CAMTA1: variants seen among roughly 807,000 people sequenced by gnomAD.
CAMTA1 encodes calmodulin binding transcription activator 1.
Under a neutral mutation model 170.9 loss-of-function variants are expected in CAMTA1, and 27 were observed. The observed-to-expected ratio is 0.16, with a 90% CI of 0.12 to 0.22. The LOEUF is 0.22. Among genes scored for constraint, CAMTA1 ranks in the 10% least tolerant of loss-of-function variants. The pLI is 1.00. For synonymous variants in CAMTA1, 833 were observed against 891.5 expected, an observed-to-expected ratio of 0.93 and a Z score of 1.17; for missense variants, 1,619 against 2,217.2, an observed-to-expected ratio of 0.73 and a Z score of 5.42.
At chr1:7,321,280 T>C (rs1472736045) in intron 5 of CAMTA1, among the ~76,000 whole-genome samples, 2 of 152,192 alleles carry the variant, frequency 1.3e-5, no homozygotes, top group Admixed American at 6.5e-5. Flanking sequence ...ACCTTGCTGC[T>C]CATTTTGGTA....
At chr1:7,490,588 G>C (rs896290435) in intron 6 of CAMTA1, among the ~76,000 whole-genome samples, 1 of 152,110 alleles carries the variant, frequency 6.6e-6, no homozygotes, top group African/African-American at 2.4e-5. Flanking sequence ...GGAGGCGGAG[G>C]TTGCGGTGAG....
intron 3 of CAMTA1, among the ~76,000 whole-genome samples, chr1:6,868,530 C>T (rs1667430545): frequency 6.6e-6 from 1 of 151,792 alleles, no homozygotes; most frequent in Non-Finnish European, 1.5e-5. Context: ...AAAATGGCGG[C>T]ATTTCTGTCA....
Position 7,737,236 on chromosome 1 carries a change from G to C in CAMTA1, c.3343-19G>C. 1.2e-6 allele frequency: 2 copies of C among 1,606,744 alleles called. No individual in the cohort carries two copies. Among genetic ancestry groups the C allele is most frequent in the Non-Finnish European group, 1.7e-6 (2 of 1,175,590 alleles). On this transcript the variant is annotated intron_variant, in intron 14 of 22. Transcript: ENST00000303635. ...TGACCTCTGATTGAGAACGCTTGCTGTGTCTCCCTGTCTTCTAGATGTGGG... is the reference window on the plus strand; with the variant it reads ...TGACCTCTGATTGAGAACGCTTGCTCTGTCTCCCTGTCTTCTAGATGTGGG...
intron 3 of CAMTA1, among the ~76,000 whole-genome samples, chr1:7,060,421 T>C (rs1221093645): frequency 6.6e-6 from 1 of 152,238 alleles, no homozygotes; most frequent in Non-Finnish European, 1.5e-5. Context: ...CCCACACTGA[T>C]AGCCTCATTT....
intron 3 of CAMTA1, among the ~76,000 whole-genome samples, chr1:6,931,104 G>A (rs372060190): frequency 2.0e-5 from 3 of 152,292 alleles, no homozygotes; most frequent in African/African-American, 7.2e-5. Flanking sequence ...AGAAACCTCC[G>A]TTCATACCCC....
At chr1:7,375,643 C>G (rs1156916244) in intron 5 of CAMTA1, among the ~76,000 whole-genome samples, 1 of 152,202 alleles carries the variant, frequency 6.6e-6, no homozygotes. Context: ...TTCCCCTGTG[C>G]AGGCTGGCAC....
At chr1:6,895,036 CCCTGAGCCTGTGTGTGGG>C (rs942412647) in intron 3 of CAMTA1, among the ~76,000 whole-genome samples, 10 of 152,156 alleles carry the variant, frequency 6.6e-5, no homozygotes, top group African/African-American at 2.4e-4. Flanking sequence ...TACTTACAGG[CCCTGAGCCTGTGTGTGGG>C]CCTGAACTCA....
At chr1:7,531,934 T>C (rs866049362) in intron 6 of CAMTA1, among the ~76,000 whole-genome samples, 1 of 152,044 alleles carries the variant, frequency 6.6e-6, no homozygotes, top group Non-Finnish European at 1.5e-5. Context: ...TTTGAACAGA[T>C]AGTAATTTTT....
At position 7,677,686 on chromosome 1, in the gene CAMTA1, C is replaced by T. The variant is rs1243877081; in HGVS notation, c.2867C>T (p.Ala956Val). 3.1e-6 allele frequency: 5 copies of T among 1,614,142 alleles called. No individual in the cohort carries two copies. Among genetic ancestry groups the T allele is most frequent in the Middle Eastern group, 1.7e-4 (1 of 6,060 alleles). The change falls in exon 11 of 23, where the codon GCT (alanine) becomes GTT (valine). Residue 956 changes from alanine to valine, a missense_variant. Ala to Val is a moderately conservative substitution (Grantham distance 64, BLOSUM62 0). Transcript: ENST00000303635. ...NSVVFEYKARALPTLPSSQHD... is the reference protein window; with the variant it reads ...NSVVFEYKARVLPTLPSSQHD... ...GTGGTGTTTGAGTACAAAGCCCGGG[C>T]TCTGCCCACGCTCCCTTCCTCCCAG...
At chr1:7,139,339 T>G (rs1645757886) in intron 4 of CAMTA1, among the ~76,000 whole-genome samples, 1 of 145,960 alleles carries the variant, frequency 6.9e-6, no homozygotes, top group African/African-American at 2.5e-5. Context: ...ATTATAAATC[T>G]ATGGTATATA....
Position 7,011,029 on chromosome 1 carries a change from C to T in CAMTA1, c.235-80275C>T, listed in dbSNP as rs56115302. 3.8e-3 allele frequency among the ~76,000 whole-genome samples: 585 copies of T among 152,258 alleles called. 2 individuals carry two copies. The highest frequency in any genetic ancestry group is 0.013 in the African/African-American group (545 of 41,540). ...GTTCCAACCCCAAACATCCCCACAG[C>T]GGTCCCGACAGACGCCTACTGGTTT... On this transcript the variant is annotated intron_variant, in intron 3 of 22. Coordinates refer to ENST00000303635, the MANE Select transcript of CAMTA1 (RefSeq NM_015215.4).
At chr1:7,522,728 T>C (rs2094381784) in intron 6 of CAMTA1, among the ~76,000 whole-genome samples, 1 of 152,272 alleles carries the variant, frequency 6.6e-6, no homozygotes, top group African/African-American at 2.4e-5. Context: ...TTTTGGCCTG[T>C]GGATATCCAA....
intron 16 of CAMTA1, among the ~76,000 whole-genome samples, chr1:7,744,275 G>T (rs1341672686): frequency 1.3e-5 from 2 of 151,942 alleles, no homozygotes; most frequent in African/African-American, 4.8e-5. Flanking sequence ...GGGATTATAG[G>T]CAAGCACCAC....
intron 4 of CAMTA1, among the ~76,000 whole-genome samples, chr1:7,221,060 C>T (rs1660667282): frequency 6.6e-6 from 1 of 152,172 alleles, no homozygotes; most frequent in Non-Finnish European, 1.5e-5. Context: ...GCACCGAAGG[C>T]CGGCACGGCA....
chr1:7,574,352 G>A (rs1292687658), intron 6 of CAMTA1, among the ~76,000 whole-genome samples: 2 of 152,204 alleles, frequency 1.3e-5, no homozygotes, highest in South Asian at 2.1e-4. Context: ...GGAAGGAAGG[G>A]CAGCCCACTC....
intron 6 of CAMTA1, among the ~76,000 whole-genome samples, chr1:7,632,821 T>A (rs2095680727): frequency 6.6e-6 from 1 of 152,234 alleles, no homozygotes; most frequent in Non-Finnish European, 1.5e-5. Context: ...CACTGCTGCA[T>A]CCTCAACCAA....
intron 5 of CAMTA1, among the ~76,000 whole-genome samples, chr1:7,353,768 T>G (rs1266128004): frequency 6.6e-6 from 1 of 152,124 alleles, no homozygotes; most frequent in African/African-American, 2.4e-5. Flanking sequence ...TTTCAACATT[T>G]ATTTTAGGTT....
At chr1:7,185,323 G>T (rs1020780318) in intron 4 of CAMTA1, among the ~76,000 whole-genome samples, 11 of 152,154 alleles carry the variant, frequency 7.2e-5, no homozygotes, top group African/African-American at 2.7e-4. Flanking sequence ...GGGTGATATG[G>T]TTAATTCTAG....
chr1:7,283,912 C>T (rs542770618), intron 5 of CAMTA1, among the ~76,000 whole-genome samples: 3 of 152,230 alleles, frequency 2.0e-5, no homozygotes, highest in African/African-American at 4.8e-5. Context: ...AGTCCCTGCT[C>T]CGTTCTTAGG....
Sources: gnomAD v4.1 joint callset for allele counts (sites outside exome capture counted in the v4.1 genomes callset) on GRCh38, gnomAD v4.1.1 for gene constraint, MANE v1.5 for transcripts, NCBI Gene and HGNC (gene_info 2026-07-23, HGNC 2026-07-21) for gene names.